ZFHX4: variants seen among roughly 807,000 people sequenced by gnomAD.
The protein encoded by ZFHX4 is zinc finger homeobox 4, also known as zinc finger homeobox protein 4.
ZFHX4 carries 56 observed loss-of-function variants against 267.6 expected under a neutral mutation model. The ratio of observed to expected loss-of-function variants is 0.21; its 90% CI spans 0.17 to 0.26. The LOEUF (loss-of-function observed/expected upper bound fraction) is 0.26. ZFHX4 is among the 10% of genes least tolerant of loss of function. ZFHX4 has a pLI of 1.00. For synonymous variants in ZFHX4, 1,778 were observed against 1,665.6 expected (o/e 1.07, Z -1.64); for missense variants, 4,332 against 4,420.0 (o/e 0.98, Z 0.56).
At chr8:76,840,169 T>C (rs554370296) in intron 5 of ZFHX4, among the ~76,000 whole-genome samples, 1 of 152,284 alleles carries the variant, frequency 6.6e-6, no homozygotes, top group Non-Finnish European at 1.5e-5. Flanking sequence ...ATTGCCTGCC[T>C]ACTTCAAAGG....
chr8:76,712,211 C>T (rs918714019), intron 3 of ZFHX4, among the ~76,000 whole-genome samples: 2 of 152,068 alleles, frequency 1.3e-5, no homozygotes, highest in African/African-American at 4.8e-5. Flanking sequence ...GTGTAACATT[C>T]CCCCGTGGAG....
intron 1 of ZFHX4, among the ~76,000 whole-genome samples, chr8:76,702,524 A>G (rs139732664): frequency 7.2e-4 from 110 of 152,272 alleles, no homozygotes; most frequent in African/African-American, 2.5e-3. Context: ...ATATTAGTGA[A>G]CCCAATATTC....
In ZFHX4 at chr8:76,761,115, T is replaced by G. The variant is rs139300053; in HGVS notation, c.3094-17093T>G. ...CAGTTAACCCATTCTGCATTCAAATTAAGTGATTAAACTTGTTTATATTCA... is the reference window on the plus strand; with the variant it reads ...CAGTTAACCCATTCTGCATTCAAATGAAGTGATTAAACTTGTTTATATTCA... On this transcript the variant is annotated intron_variant, in intron 3 of 10. Transcript: ENST00000651372. Among the ~76,000 whole-genome samples, 1,034 of 152,260 alleles carry G rather than the reference T, an allele frequency of 6.8e-3. 4 individuals are homozygous for G. Among genetic ancestry groups the G allele is most frequent in the Non-Finnish European group, 0.011 (738 of 68,006 alleles).
At chr8:76,732,886 C>T (rs1809059122) in intron 3 of ZFHX4, among the ~76,000 whole-genome samples, 2 of 152,088 alleles carry the variant, frequency 1.3e-5, no homozygotes, top group Admixed American at 1.3e-4. Flanking sequence ...AAAGCAGACA[C>T]CATTACACTG....
Position 76,737,284 on chromosome 8 carries a change from G to T in ZFHX4, c.3093+29236G>T, listed in dbSNP as rs143422421. Among the ~76,000 whole-genome samples, 470 of 151,924 alleles carry T rather than the reference G, an allele frequency of 3.1e-3. 7 individuals are homozygous for T. Among genetic ancestry groups the T allele is most frequent in the Admixed American group, 0.03 (452 of 15,264 alleles). ...GATACAGATTTTTAAAAAATATTTC[G>T]ACTTTAAGAAAATATCAGAGGGCAT... On this transcript the variant is annotated intron_variant, in intron 3 of 10. Transcript: ENST00000651372.
chr8:76,791,823 A>G (rs565494456), intron 4 of ZFHX4, among the ~76,000 whole-genome samples: 1 of 152,280 alleles, frequency 6.6e-6, no homozygotes, highest in Admixed American at 6.5e-5. Context: ...GAAAATGTGT[A>G]AGATTCAGTA....
Position 76,696,004 on chromosome 8 carries a change from T to C in ZFHX4, c.-46-8039T>C, listed in dbSNP as rs76895069. On this transcript the variant is annotated intron_variant, in intron 1 of 10. Transcript: ENST00000651372. ...AGAAGAGTTCAAGCTTGGTGCTAAC[T>C]AATCATTTACCTTCATTATGTCCTG... Among the ~76,000 whole-genome samples the C allele has an allele frequency of 5.3e-5, 8 of 152,332 alleles. No individual in the cohort carries two copies. The East Asian group carries it at 1.5e-3, about 29-fold the overall frequency.
chr8:76,749,033 A>T (rs1250241565), intron 3 of ZFHX4, among the ~76,000 whole-genome samples: 1 of 152,216 alleles, frequency 6.6e-6, no homozygotes, highest in Non-Finnish European at 1.5e-5. Flanking sequence ...AGGTGGGGAA[A>T]AAACAGTAAA....
chr8:76,850,957 G>A lies in ZFHX4; in HGVS notation c.4036G>A (p.Glu1346Lys). The A allele has an allele frequency of 6.2e-7, 1 of 1,613,596 alleles. No individual in the cohort carries two copies. The highest frequency in any genetic ancestry group is 8.5e-7 in the Non-Finnish European group (1 of 1,179,712). Residue 1346 changes from glutamate to lysine, a missense_variant, in exon 10 of 11, where the codon GAG becomes AAG. This residue lies in a region of ZFHX4 where 1,371 missense variants were observed against 1,423.1 expected (regional missense o/e 0.96). Coordinates refer to ENST00000651372, the MANE Select transcript of ZFHX4 (RefSeq NM_024721.5). ...DSKANVEVKN[E>K]EQKPTKEPLE... ...AAAGGCTAATGTGGAAGTAAAGAATGAGGAGCAGAAACCGACTAAAGAACC... is the reference window on the plus strand; with the variant it reads ...AAAGGCTAATGTGGAAGTAAAGAATAAGGAGCAGAAACCGACTAAAGAACC...
intron 5 of ZFHX4, among the ~76,000 whole-genome samples, chr8:76,841,622 T>G (rs1812234785): frequency 6.6e-6 from 1 of 152,142 alleles, no homozygotes; most frequent in Non-Finnish European, 1.5e-5. Flanking sequence ...CAGGGTTAAT[T>G]TATATGGTCA....
At chr8:76,703,149 A>G (rs1808148314) in intron 1 of ZFHX4, among the ~76,000 whole-genome samples, 1 of 152,154 alleles carries the variant, frequency 6.6e-6, no homozygotes, top group African/African-American at 2.4e-5. Flanking sequence ...TTTAAAAAAA[A>G]TGAAGGATTT....
At chr8:76,843,562 A>G (rs1295045681) in intron 6 of ZFHX4, among the ~76,000 whole-genome samples, 1 of 152,148 alleles carries the variant, frequency 6.6e-6, no homozygotes, top group Non-Finnish European at 1.5e-5. Flanking sequence ...CTTTGTATGT[A>G]TGAGATGGAA....
rs3812485 is a variant in ZFHX4, at chr8:76,854,148, C to T, written c.7227C>T (p.Pro2409=). The change falls in exon 10 of 11, where the codon CCC becomes CCT. Residue 2409 remains proline (P), a synonymous_variant. Coordinates refer to ENST00000651372, the MANE Select transcript of ZFHX4 (RefSeq NM_024721.5). ...PEKTSPKPEY[P]AEKPKQSDPS... ...AGACTTCTCCAAAACCTGAATATCC[C>T]GCAGAAAAGCCAAAGCAGAGTGACC... 9.7e-5 allele frequency: 156 copies of T among 1,609,256 alleles called. 1 individual carries two copies. In the East Asian group the frequency reaches 3.1e-3, roughly 32 times the overall value.
intron 5 of ZFHX4, among the ~76,000 whole-genome samples, chr8:76,833,791 A>G (rs1475051472): frequency 3.3e-5 from 5 of 152,094 alleles, no homozygotes; most frequent in Admixed American, 6.6e-5. Flanking sequence ...TGTACATTTT[A>G]TGGGTGTGGA....
chr8:76,725,876 C>T (rs1808839452), intron 3 of ZFHX4, among the ~76,000 whole-genome samples: 2 of 152,122 alleles, frequency 1.3e-5, no homozygotes. Context: ...TACCAGTTAG[C>T]AAGGACATTT....
chr8:76,819,830 T>C (rs1811602313), intron 4 of ZFHX4, among the ~76,000 whole-genome samples: 1 of 152,186 alleles, frequency 6.6e-6, no homozygotes, highest in African/African-American at 2.4e-5. Flanking sequence ...TAATAGTGTA[T>C]GCAAAAAGCA....
At chr8:76,783,332 A>G (rs1220826689) in intron 4 of ZFHX4, among the ~76,000 whole-genome samples, 3 of 152,008 alleles carry the variant, frequency 2.0e-5, no homozygotes, top group Admixed American at 2.0e-4. Flanking sequence ...TTAAAATAAA[A>G]ATAATTTTGC....
At chr8:76,723,784 T>G (rs2131643839) in intron 3 of ZFHX4, among the ~76,000 whole-genome samples, 1 of 152,130 alleles carries the variant, frequency 6.6e-6, no homozygotes, top group Admixed American at 6.6e-5. Context: ...ATATAATTAG[T>G]ATTTTTGACG....
chr8:76,751,604 A>T (rs1412934474), intron 3 of ZFHX4, among the ~76,000 whole-genome samples: 1 of 152,190 alleles, frequency 6.6e-6, no homozygotes, highest in East Asian at 1.9e-4. Flanking sequence ...TTTTACCAGA[A>T]TTTTTAGAAT....
Sources: allele counts gnomAD v4.1 joint callset (sites outside exome capture counted in the v4.1 genomes callset), GRCh38; gene constraint gnomAD v4.1.1; regional missense constraint gnomAD v4.1.1; transcripts MANE v1.5; gene names NCBI Gene and HGNC (gene_info 2026-07-23, HGNC 2026-07-21).